Variants in GLG1 observed in about 807,000 individuals in gnomAD.
GLG1 encodes golgi glycoprotein 1.
A neutral mutation model predicts 160.5 loss-of-function variants in GLG1; 38 were observed. The observed-to-expected ratio is 0.24, with a 90% CI of 0.18 to 0.31. The LOEUF is 0.31. Among genes scored for constraint, GLG1 ranks in the 10% least tolerant of loss-of-function variants. The pLI is 1.00. For missense variants in GLG1, 1,373 were observed against 1,505.2 expected, an observed-to-expected ratio of 0.91 and a Z score of 1.45; for synonymous variants, 644 against 543.4, an observed-to-expected ratio of 1.19 and a Z score of -2.57.
At chr16:74,503,824 C>G in intron 3 of GLG1, 78 bp from the exon 4 acceptor site, 3 of 948,988 alleles carry the variant, frequency 3.2e-6, no homozygotes, top group Non-Finnish European at 4.9e-6. Flanking sequence ...AGAAAAATGT[C>G]TGAAATTTTC....
intron 2 of GLG1, among the ~76,000 whole-genome samples, chr16:74,512,756 G>A: frequency 6.6e-6 from 1 of 151,614 alleles, no homozygotes; most frequent in Non-Finnish European, 1.5e-5. Flanking sequence ...GGAAGAGTCA[G>A]GTTGGAAAGG....
chr16:74,604,885 C>T (rs912828508), intron 1 of GLG1, among the ~76,000 whole-genome samples: 1 of 152,110 alleles, frequency 6.6e-6, no homozygotes, highest in African/African-American at 2.4e-5. Flanking sequence ...CCTGTCTCTA[C>T]TAAAAATACA....
intron 1 of GLG1, among the ~76,000 whole-genome samples, chr16:74,558,494 T>C (rs2018412762): frequency 6.6e-6 from 1 of 152,246 alleles, no homozygotes; most frequent in Admixed American, 6.5e-5. Flanking sequence ...TTTATAATAT[T>C]TGTTAACTCG....
At chr16:74,504,859 T>C (rs143813065) in intron 3 of GLG1, among the ~76,000 whole-genome samples, 3 of 152,100 alleles carry the variant, frequency 2.0e-5, no homozygotes, top group African/African-American at 7.2e-5. Flanking sequence ...AAAATGCTAA[T>C]AAAGCAAACT....
intron 9 of GLG1, among the ~76,000 whole-genome samples, chr16:74,484,150 A>G (rs1470540844): frequency 1.3e-5 from 2 of 152,008 alleles, no homozygotes; most frequent in East Asian, 3.9e-4. Flanking sequence ...ACCACACAGA[A>G]AGCTTTGAGG....
intron 3 of GLG1, among the ~76,000 whole-genome samples, chr16:74,506,533 G>C (rs1431039124): frequency 1.7e-5 from 2 of 120,300 alleles, no homozygotes; most frequent in Admixed American, 1.1e-4. Context: ...AGCGAGCAGA[G>C]ATCGCGCCAC....
At chr16:74,497,468 C>G (rs2016238983) in intron 4 of GLG1, among the ~76,000 whole-genome samples, 1 of 132,596 alleles carries the variant, frequency 7.5e-6, no homozygotes, top group Admixed American at 8.1e-5. Context: ...GACGGAGTCT[C>G]GCTCTTTCGC....
chr16:74,544,620 C>A (rs2017993976), intron 1 of GLG1, among the ~76,000 whole-genome samples: 1 of 152,174 alleles, frequency 6.6e-6, no homozygotes, highest in Non-Finnish European at 1.5e-5. Context: ...GACCCTCTTG[C>A]CTTACTTAGT....
Position 74,491,279 on chromosome 16 carries a change from C to T in GLG1, c.1235-64G>A. Reference sequence around the variant, plus strand: ...TGCTATGTATTAGCATCAGAAATCACCACCTATTAAAAGTACATATTTCTA... The same window carrying T: ...TGCTATGTATTAGCATCAGAAATCATCACCTATTAAAAGTACATATTTCTA... On this transcript the variant is annotated intron_variant, in intron 7 of 25. Coordinates refer to ENST00000422840, the MANE Select transcript of GLG1 (RefSeq NM_001145667.2). 1.0e-5 allele frequency: 11 copies of T among 1,104,032 alleles called. No individual in the cohort carries two copies. The South Asian group carries it at 1.4e-4, about 14-fold the overall frequency. The allele number at this position is 1,104,032 out of a possible 1,614,324, so 68.4% of individuals were successfully genotyped here. A position where few individuals can be genotyped will look rare whatever the true frequency, so the allele number is the denominator to read the frequency against.
rs1240579426 is a variant in GLG1, at chr16:74,448,741, A to T, written c.*4426T>A. 9.2e-6 allele frequency: 1 copy of T among 109,198 alleles called. No individual in the cohort carries two copies. Among genetic ancestry groups the T allele is most frequent in the African/African-American group, 3.8e-5 (1 of 26,662 alleles). 6.8% of individuals were successfully genotyped at this position (109,198 alleles called of 1,614,324 possible). ...CACTCCAGCCTGGGCAACGAGTGAAACTGTGTCTCAAAAGAAAAAAAAAAA... is the reference window on the plus strand; with the variant it reads ...CACTCCAGCCTGGGCAACGAGTGAATCTGTGTCTCAAAAGAAAAAAAAAAA... On this transcript the variant is annotated 3_prime_UTR_variant, in exon 26 of 26. Transcript: ENST00000422840.
intron 25 of GLG1, among the ~76,000 whole-genome samples, chr16:74,454,692 A>G (rs2014462028): frequency 6.8e-6 from 1 of 146,470 alleles, no homozygotes; most frequent in East Asian, 2.0e-4. Context: ...AAAAAAAAAA[A>G]AAAAAAAATT....
At chr16:74,567,425 C>T (rs185745015) in intron 1 of GLG1, among the ~76,000 whole-genome samples, 80 of 152,112 alleles carry the variant, frequency 5.3e-4, no homozygotes, top group Admixed American at 1.2e-3. Flanking sequence ...ATGATAGAAG[C>T]AAATACAAAA....
chr16:74,511,446 G>A (rs1021410151), intron 2 of GLG1, among the ~76,000 whole-genome samples: 9 of 152,244 alleles, frequency 5.9e-5, no homozygotes, highest in African/African-American at 1.9e-4. Context: ...GAGGTCAGGA[G>A]TTCAAGACTG....
intron 12 of GLG1, among the ~76,000 whole-genome samples, chr16:74,476,072 C>T (rs1163431719): frequency 2.0e-5 from 3 of 151,870 alleles, no homozygotes; most frequent in Non-Finnish European, 4.4e-5. Flanking sequence ...ATCCCAGTTA[C>T]TAAGGAGTCT....
intron 22 of GLG1, among the ~76,000 whole-genome samples, chr16:74,460,547 G>A (rs1035387628): frequency 2.0e-5 from 3 of 152,218 alleles, no homozygotes; most frequent in Admixed American, 6.5e-5. Flanking sequence ...CTGGCCTACT[G>A]CTGTTTTACA....
chr16:74,556,152 A>C (rs1421206124), intron 1 of GLG1, among the ~76,000 whole-genome samples: 1 of 152,202 alleles, frequency 6.6e-6, no homozygotes, highest in African/African-American at 2.4e-5. Context: ...CGCCTACTTT[A>C]TATTACAGTT....
chr16:74,529,993 G>C (rs1470879181), intron 2 of GLG1, among the ~76,000 whole-genome samples: 6 of 151,520 alleles, frequency 4.0e-5, no homozygotes, highest in African/African-American at 1.5e-4. Context: ...TTTATTTTTA[G>C]TAGAGGGGTT....
chr16:74,508,939 G>T lies in GLG1; in HGVS notation c.472-14C>A. 1 of 823,514 alleles carries T rather than the reference G, an allele frequency of 1.2e-6. No individual in the cohort carries two copies. The highest frequency in any genetic ancestry group is 1.8e-6 in the Non-Finnish European group (1 of 542,934). 51.0% of individuals were successfully genotyped at this position (823,514 alleles called of 1,614,324 possible). On this transcript the variant is annotated splice_polypyrimidine_tract_variant and intron_variant, in intron 2 of 25. Transcript: ENST00000422840. ...ATTCCACAACAACTAGATAGGAGAG[G>T]AAAAAAAAAAACAAAGAAAAACTCC...
intron 1 of GLG1, among the ~76,000 whole-genome samples, chr16:74,540,456 A>G (rs2017830788): frequency 6.6e-6 from 1 of 152,000 alleles, no homozygotes; most frequent in South Asian, 2.1e-4. Flanking sequence ...CCATCCCTTT[A>G]GGGAAACATT....
Sources: gnomAD v4.1 joint callset for allele counts (sites outside exome capture counted in the v4.1 genomes callset) on GRCh38, gnomAD v4.1.1 for gene constraint, MANE v1.5 for transcripts, NCBI Gene and HGNC (gene_info 2026-07-23, HGNC 2026-07-21) for gene names.